Variants in USP9X observed in about 807,000 individuals in gnomAD.
The protein encoded by USP9X is ubiquitin specific peptidase 9 X-linked.
A neutral mutation model predicts 190.3 loss-of-function variants in USP9X; 7 were observed. That is an observed-to-expected ratio of 0.04 (90% CI 0.02 to 0.07). USP9X has a LOEUF of 0.07. Among genes scored for constraint, USP9X ranks in the 10% least tolerant of loss-of-function variants. The pLI, the probability that USP9X is intolerant of heterozygous loss-of-function variation, is 1.00. For missense variants in USP9X, 1,010 were observed against 1,916.9 expected, an observed-to-expected ratio of 0.53 and a Z score of 8.83; for synonymous variants, 645 against 659.5, an observed-to-expected ratio of 0.98 and a Z score of 0.34.
At chrX:41,124,837 A>G (rs925590693) in intron 2 of USP9X, among the ~76,000 whole-genome samples, 3 of 111,985 alleles carry the variant, frequency 2.7e-5, no homozygotes, top group Non-Finnish European at 5.6e-5. Context: ...TATCTGTACA[A>G]TGAGGGTAAT....
chrX:41,206,190 CCCTA>C (rs2063094056), intron 32 of USP9X, among the ~76,000 whole-genome samples: 1 of 111,610 alleles, frequency 9.0e-6, no homozygotes, highest in South Asian at 3.7e-4. Context: ...TGTGCCCGGC[CCCTA>C]CCTATTTCTT....
intron 1 of USP9X, among the ~76,000 whole-genome samples, chrX:41,105,547 G>A (rs1204220332): frequency 8.9e-6 from 1 of 111,925 alleles, no homozygotes; most frequent in Non-Finnish European, 1.9e-5. Context: ...ACATTCATCT[G>A]TCAAACGGAT....
At chrX:41,116,204 G>C (rs999288030) in intron 1 of USP9X, among the ~76,000 whole-genome samples, 3 of 112,318 alleles carry the variant, frequency 2.7e-5, no homozygotes, top group Non-Finnish European at 5.6e-5. Flanking sequence ...AGATGCTTCT[G>C]TTTGTGTAAT....
At chrX:41,104,298 T>G (rs1292024554) in intron 1 of USP9X, among the ~76,000 whole-genome samples, 1 of 112,170 alleles carries the variant, frequency 8.9e-6, no homozygotes, top group East Asian at 2.8e-4. Flanking sequence ...GGGCAATTCC[T>G]GGGCTCAAGT....
At chrX:41,150,494 G>A (rs895386444) in intron 12 of USP9X, among the ~76,000 whole-genome samples, 2 of 111,340 alleles carry the variant, frequency 1.8e-5, no homozygotes, top group Non-Finnish European at 3.8e-5. Flanking sequence ...GTTCTTCACT[G>A]TACTAAAAGA....
rs759623425 is a variant in USP9X, at chrX:41,161,635, C to CTTTTTTTT, written c.1898-1139_1898-1132dup. Among the ~76,000 whole-genome samples, 41 of 47,410 alleles carry CTTTTTTTT rather than the reference C, an allele frequency of 8.6e-4. 2 individuals are homozygous for CTTTTTTTT. Among genetic ancestry groups the CTTTTTTTT allele is most frequent in the East Asian group, 1.4e-3 (2 of 1,383 alleles). 41.2% of individuals were successfully genotyped at this position (47,410 alleles called of 115,157 possible). ...ACAGGCGTGAGCCATGGCGCCCTGCCTTTTTTTTTTTTTTTTTTTTTTTAA... is the reference window on the plus strand; with the variant it reads ...ACAGGCGTGAGCCATGGCGCCCTGCCTTTTTTTTTTTTTTTTTTTTTTTTTTTTTTTAA... On this transcript the variant is annotated intron_variant, in intron 14 of 44. Coordinates refer to ENST00000378308, the MANE Select transcript of USP9X (RefSeq NM_001039591.3).
intron 1 of USP9X, among the ~76,000 whole-genome samples, chrX:41,090,293 A>T (rs2061946012): frequency 9.0e-6 from 1 of 111,288 alleles, no homozygotes; most frequent in Non-Finnish European, 1.9e-5. Context: ...TCATGAAAAA[A>T]GTTGATGTAA....
intron 1 of USP9X, among the ~76,000 whole-genome samples, chrX:41,089,563 A>G (rs2061938310): frequency 8.9e-6 from 1 of 111,740 alleles, no homozygotes; most frequent in Admixed American, 9.5e-5. Flanking sequence ...ATATTACACA[A>G]CATTCCTAAA....
chrX:41,205,536 A>C, intron 32 of USP9X, 43 bp downstream of exon 32: 1 of 1,114,324 alleles, frequency 9.0e-7, no homozygotes. Flanking sequence ...TCTTAAAATG[A>C]ACATCTCAAT....
Position 41,223,224 on chromosome X carries a change from A to G in USP9X, c.6573A>G (p.Ala2191=), listed in dbSNP as rs750782851. The G allele has an allele frequency of 8.3e-7, 1 of 1,210,516 alleles. No homozygotes were observed. Among genetic ancestry groups the G allele is most frequent in the African/African-American group, 1.7e-5 (1 of 57,694 alleles). Residue 2191 remains alanine (A), a synonymous_variant, in exon 39 of 45, where the codon GCA becomes GCG. Transcript: ENST00000378308. ...CACTCCTTTTTGTTGTAGGTGTGGC[A>G]GAGAAGACACAGCTTCTGAAATTGA... ...LFVMYANLGV[A]EKTQLLKLSV...
chrX:41,208,542 A>G (rs1358822667), intron 32 of USP9X, among the ~76,000 whole-genome samples: 2 of 111,937 alleles, frequency 1.8e-5, no homozygotes, highest in Non-Finnish European at 3.8e-5. Context: ...TTTATTTTGA[A>G]AAGTTTCAAA....
Position 41,126,503 on chromosome X carries a change from A to G in USP9X, c.97-2497A>G, listed in dbSNP as rs188095681. 9.8e-5 allele frequency among the ~76,000 whole-genome samples: 11 copies of G among 111,777 alleles called. No individual in the cohort carries two copies. In the East Asian group the frequency reaches 2.8e-3, roughly 28 times the overall value. ...CTTTTTTGCAATGTTTCTGACTTGC[A>G]TGGCTTTAGACAAAAATCAAACCTT... On this transcript the variant is annotated intron_variant, in intron 2 of 44. Coordinates refer to ENST00000378308, the MANE Select transcript of USP9X (RefSeq NM_001039591.3).
chrX:41,148,635 A>G, intron 12 of USP9X, 60 bp downstream of exon 12: 1 of 1,066,087 alleles, frequency 9.4e-7, no homozygotes, highest in East Asian at 3.0e-5. Context: ...AGGTTGGCTT[A>G]GTTACAGGAT....
In USP9X at chrX:41,113,901, A is replaced by G. The variant is rs765754317; in HGVS notation, c.-158-9570A>G. The stretch of plus-strand genomic sequence containing the variant: ...ATTTATCAAAACTTAATGCACACAA[A>G]CGTTTTTATAGACCACATGTGGTGC... On this transcript the variant is annotated intron_variant, in intron 1 of 44. Coordinates refer to ENST00000378308, the MANE Select transcript of USP9X (RefSeq NM_001039591.3). Among the ~76,000 whole-genome samples the G allele has an allele frequency of 2.7e-5, 3 of 113,053 alleles. No homozygotes were observed. In the South Asian group the frequency reaches 1.1e-3, roughly 40 times the overall value.
At chrX:41,151,151 A>G in intron 13 of USP9X, 94 bp downstream of exon 13, 1 of 906,448 alleles carries the variant, frequency 1.1e-6, no homozygotes, top group Non-Finnish European at 1.5e-6. Context: ...CAAATTTTTA[A>G]ATTAGTGGAG....
intron 41 of USP9X, among the ~76,000 whole-genome samples, chrX:41,227,367 C>T (rs2063322832): frequency 9.0e-6 from 1 of 111,218 alleles, no homozygotes; most frequent in Non-Finnish European, 1.9e-5. Context: ...AAGGTAAAAG[C>T]AATTTATATG....
chrX:41,220,228 C>G (rs1035242240), intron 38 of USP9X, among the ~76,000 whole-genome samples: 5 of 111,981 alleles, frequency 4.5e-5, no homozygotes, highest in African/African-American at 1.6e-4. Flanking sequence ...ATTACACAGA[C>G]AAGCATAAGT....
chrX:41,216,757 A>C, intron 35 of USP9X, 105 bp downstream of exon 35: 1 of 949,633 alleles, frequency 1.1e-6, no homozygotes, highest in African/African-American at 2.0e-5. Context: ...AAATGAGTCT[A>C]ATTTGCTGGG....
chrX:41,125,063 A>G (rs2062224916), intron 2 of USP9X, among the ~76,000 whole-genome samples: 1 of 111,281 alleles, frequency 9.0e-6, no homozygotes. Flanking sequence ...TTTATGGAAA[A>G]GTTTTAATTG....
Sources: gnomAD v4.1 joint callset for allele counts (sites outside exome capture counted in the v4.1 genomes callset) on GRCh38, gnomAD v4.1.1 for gene constraint, MANE v1.5 for transcripts, NCBI Gene and HGNC (gene_info 2026-07-23, HGNC 2026-07-21) for gene names.